The following KIAA0513 variants were observed in gnomAD, a reference collection of about 807,000 sequenced individuals.
KIAA0513 encodes the protein uncharacterized protein KIAA0513.
KIAA0513 carries 39 observed loss-of-function variants against 56.5 expected under a neutral mutation model. That is an observed-to-expected ratio of 0.69 (90% confidence interval 0.53 to 0.90). KIAA0513 has a LOEUF of 0.90. Ranked by LOEUF, KIAA0513 falls within the 40% of genes least tolerant of loss-of-function variation. The probability of loss-of-function intolerance (pLI) is 0.00; values close to 1 mark genes in which losing one functional copy is unlikely to be tolerated. For synonymous variants in KIAA0513, 268 were observed against 215.6 expected (o/e 1.24, Z -2.13); for missense variants, 591 against 535.2 (o/e 1.10, Z -1.03).
intron 2 of KIAA0513, 64 bp downstream of exon 2, chr16:85,067,464 T>C: frequency 9.9e-6 from 13 of 1,311,702 alleles, no homozygotes; most frequent in African/African-American, 2.9e-5. Context: ...ACTCGCCTCC[T>C]GCTCTCGGCT....
At chr16:85,059,660 A>G (rs781627269) in intron 1 of KIAA0513, among the ~76,000 whole-genome samples, 1 of 152,150 alleles carries the variant, frequency 6.6e-6, no homozygotes, top group African/African-American at 2.4e-5. Context: ...TTCTGAATGA[A>G]ATGGTTTTGT....
chr16:85,079,366 T>C (rs572903248), intron 8 of KIAA0513: 54 of 234,336 alleles, frequency 2.3e-4, no homozygotes, highest in African/African-American at 1.1e-3. Context: ...ACGTCGTTTA[T>C]TATGGCCCCG....
At chr16:85,071,206 TCA>T (rs999147371) in intron 2 of KIAA0513, among the ~76,000 whole-genome samples, 1 of 152,104 alleles carries the variant, frequency 6.6e-6, no homozygotes, top group African/African-American at 2.4e-5. Flanking sequence ...TCCATCCCTC[TCA>T]CACACAGCAG....
chr16:85,075,760 C>A, intron 4 of KIAA0513, 84 bp from the exon 5 acceptor site: 2 of 1,162,098 alleles, frequency 1.7e-6, no homozygotes, highest in South Asian at 1.2e-5. Context: ...ACGCATGTGT[C>A]AAGTGTCTCA....
chr16:85,055,308 G>A lies in KIAA0513; in HGVS notation c.-172-11592G>A, dbSNP rs146422936. 2.4e-3 allele frequency among the ~76,000 whole-genome samples: 370 copies of A among 152,140 alleles called. 3 individuals carry two copies. Among genetic ancestry groups the A allele is most frequent in the African/African-American group, 7.8e-3 (322 of 41,518 alleles). ...TCTTGTCTCTAGACAGTACCATGAT[G>A]GGCTGGTTGAAACAGTGGTAAGACA... On this transcript the variant is annotated intron_variant, in intron 1 of 12. Coordinates refer to ENST00000683363, the MANE Select transcript of KIAA0513 (RefSeq NM_001388359.1).
chr16:85,033,481 G>C (rs1418925575), intron 1 of KIAA0513, among the ~76,000 whole-genome samples: 2 of 152,328 alleles, frequency 1.3e-5, no homozygotes, highest in Middle Eastern at 6.8e-3. Context: ...GGGTGAATAC[G>C]ATGCCCTGCC....
intron 1 of KIAA0513, among the ~76,000 whole-genome samples, chr16:85,048,912 C>T (rs2073208937): frequency 6.6e-6 from 1 of 152,158 alleles, no homozygotes; most frequent in East Asian, 1.9e-4. Context: ...TTGGCCACAG[C>T]CCAGAGGGAG....
At chr16:85,036,267 A>T (rs553670005) in intron 1 of KIAA0513, among the ~76,000 whole-genome samples, 1 of 152,288 alleles carries the variant, frequency 6.6e-6, no homozygotes, top group African/African-American at 2.4e-5. Context: ...AACCCTTATC[A>T]TAATCTAATT....
intron 10 of KIAA0513, among the ~76,000 whole-genome samples, chr16:85,085,230 T>C (rs2073794917): frequency 6.6e-6 from 1 of 152,170 alleles, no homozygotes; most frequent in Admixed American, 6.5e-5. Flanking sequence ...TGGAAGTATA[T>C]TCTGGTGTCT....
At chr16:85,038,543 C>T (rs2143855227) in intron 1 of KIAA0513, among the ~76,000 whole-genome samples, 1 of 151,854 alleles carries the variant, frequency 6.6e-6, no homozygotes, top group Admixed American at 6.6e-5. Flanking sequence ...TCCATGTCTA[C>T]TAAAAAGACA....
chr16:85,055,533 C>G (rs1380319154), intron 1 of KIAA0513, among the ~76,000 whole-genome samples: 2 of 152,218 alleles, frequency 1.3e-5, no homozygotes, highest in South Asian at 2.1e-4. Flanking sequence ...TCCCTGATCT[C>G]TGAGTCTGTA....
rs2144137601 is a variant in KIAA0513, at chr16:85,094,079, A to T, written c.*5754A>T. On this transcript the variant is annotated 3_prime_UTR_variant, in exon 13 of 13. Transcript: ENST00000683363. ...TGTCCCGCTCGGTGATGTTCTACAA[A>T]CTCTGTTTTAAGGTTGAGAAAGTTT... The T allele has an allele frequency of 6.6e-6, 1 of 152,264 alleles. No homozygotes were observed. Among genetic ancestry groups the T allele is most frequent in the Non-Finnish European group, 1.5e-5 (1 of 68,024 alleles). 9.4% of individuals were successfully genotyped at this position (152,264 alleles called of 1,614,324 possible).
At chr16:85,036,393 G>T (rs994133617) in intron 1 of KIAA0513, among the ~76,000 whole-genome samples, 1 of 152,052 alleles carries the variant, frequency 6.6e-6, no homozygotes, top group African/African-American at 2.4e-5. Context: ...CTGTGGATTC[G>T]CCTGCTCTGG....
intron 1 of KIAA0513, among the ~76,000 whole-genome samples, chr16:85,046,163 A>G (rs2073168224): frequency 2.0e-5 from 3 of 151,614 alleles, no homozygotes; most frequent in Admixed American, 6.6e-5. Context: ...GTAGGAGTCA[A>G]CTCTTTGGGG....
rs919818327 is a variant in KIAA0513, at chr16:85,091,254, T to G, written c.*2929T>G. ...AGCTCCCTGCTTTGAAAACAGGACATGTTGACAGGCAGCATGGTATGTTTT... is the reference window on the plus strand; with the variant it reads ...AGCTCCCTGCTTTGAAAACAGGACAGGTTGACAGGCAGCATGGTATGTTTT... On this transcript the variant is annotated 3_prime_UTR_variant, in exon 13 of 13. Coordinates refer to ENST00000683363, the MANE Select transcript of KIAA0513 (RefSeq NM_001388359.1). The G allele has an allele frequency of 1.3e-5, 2 of 152,216 alleles. No homozygotes were observed. The highest frequency in any genetic ancestry group is 4.8e-5 in the African/African-American group (2 of 41,452). The allele number at this position is 152,216 out of a possible 1,614,324, so 9.4% of individuals were successfully genotyped here.
chr16:85,061,538 G>C (rs1171261644), intron 1 of KIAA0513, among the ~76,000 whole-genome samples: 1 of 152,190 alleles, frequency 6.6e-6, no homozygotes, highest in African/African-American at 2.4e-5. Flanking sequence ...GAGAGGAGCA[G>C]CACATTTGGG....
chr16:85,032,791 C>T (rs183479571), intron 1 of KIAA0513, among the ~76,000 whole-genome samples: 314 of 152,202 alleles, frequency 2.1e-3, no homozygotes, highest in African/African-American at 7.2e-3. Context: ...CCACCACTCC[C>T]GGCTAATTTT....
chr16:85,048,289 C>A (rs1051381443), intron 1 of KIAA0513, among the ~76,000 whole-genome samples: 1 of 152,124 alleles, frequency 6.6e-6, no homozygotes, highest in Non-Finnish European at 1.5e-5. Context: ...AGGCTTCGAC[C>A]GTCAGCACGC....
At chr16:85,048,189 C>T (rs779682742) in intron 1 of KIAA0513, among the ~76,000 whole-genome samples, 20 of 152,160 alleles carry the variant, frequency 1.3e-4, no homozygotes, top group Admixed American at 3.9e-4. Flanking sequence ...GGAGCCCATC[C>T]CCTAACTCCC....
Sources: gnomAD v4.1 joint callset for allele counts (sites outside exome capture counted in the v4.1 genomes callset) on GRCh38, gnomAD v4.1.1 for gene constraint, MANE v1.5 for transcripts, NCBI Gene and HGNC (gene_info 2026-07-23, HGNC 2026-07-21) for gene names.